Variants in BLVRB observed in about 807,000 individuals in gnomAD.
BLVRB encodes the protein biliverdin reductase B.
BLVRB carries 25 observed loss-of-function variants against 21.1 expected under a neutral mutation model. The observed-to-expected ratio is 1.19, with a 90% CI of 0.86 to 1.66. BLVRB has a LOEUF of 1.66. Among genes scored for constraint, BLVRB ranks in the 40% most tolerant of loss-of-function variants. The pLI, the probability that BLVRB is intolerant of heterozygous loss-of-function variation, is 0.00. For synonymous variants in BLVRB, 128 were observed against 122.2 expected, an observed-to-expected ratio of 1.05 and a Z score of -0.31; for missense variants, 274 against 282.7, an observed-to-expected ratio of 0.97 and a Z score of 0.22.
chr19:40,448,809 T>C (rs1415640797), intron 4 of BLVRB, among the ~76,000 whole-genome samples: 1 of 151,768 alleles, frequency 6.6e-6, no homozygotes, highest in African/African-American at 2.4e-5. Context: ...GCTCCTGCCC[T>C]GGCTGGGCAC....
At chr19:40,451,936 C>T (rs1156936417) in intron 3 of BLVRB, among the ~76,000 whole-genome samples, 1 of 152,178 alleles carries the variant, frequency 6.6e-6, no homozygotes, top group African/African-American at 2.4e-5. Flanking sequence ...CTTTCCCTCA[C>T]ACCCCAGGTA....
At chr19:40,450,224 A>AAG (rs2079733194) in intron 4 of BLVRB, 1 of 98,582 alleles carries the variant, frequency 1.0e-5, no homozygotes, top group African/African-American at 4.1e-5. Flanking sequence ...AAAAAAAAAA[A>AAG]GCCAGGCGCA....
intron 1 of BLVRB, among the ~76,000 whole-genome samples, chr19:40,459,603 C>T (rs373561378): frequency 5.9e-5 from 9 of 152,030 alleles, no homozygotes; most frequent in Admixed American, 3.3e-4. Context: ...TAGAGTCTCC[C>T]TCTGTTGCCC....
At chr19:40,455,043 T>G (rs1002807331) in intron 3 of BLVRB, among the ~76,000 whole-genome samples, 2 of 151,846 alleles carry the variant, frequency 1.3e-5, no homozygotes, top group Non-Finnish European at 2.9e-5. Flanking sequence ...GATGGAGTTT[T>G]GCTGTGTTGC....
In BLVRB at chr19:40,460,245, A is replaced by AATATATATAT. The variant is rs1223233988; in HGVS notation, c.80-1701_80-1700insATATATATAT. On this transcript the variant is annotated intron_variant, in intron 1 of 4. Coordinates refer to ENST00000263368, the MANE Select transcript of BLVRB (RefSeq NM_000713.3). ...TAACATTTGGGTATACTGTAATAGC[A>AATATATATAT]ACATATATATATATATATATATATA... 3.7e-3 allele frequency among the ~76,000 whole-genome samples: 200 copies of AATATATATAT among 53,538 alleles called. 10 individuals are homozygous for AATATATATAT. Among genetic ancestry groups the AATATATATAT allele is most frequent in the African/African-American group, 0.015 (156 of 10,430 alleles). The allele number at this position is 53,538 out of a possible 152,430, so 35.1% of individuals were successfully genotyped here.
intron 1 of BLVRB, among the ~76,000 whole-genome samples, chr19:40,459,323 A>G (rs2079776277): frequency 9.8e-6 from 1 of 101,546 alleles, no homozygotes; most frequent in Admixed American, 1.1e-4. Flanking sequence ...GCGAGACTCT[A>G]TCTCAAAAAA....
chr19:40,451,458 T>C lies in BLVRB; in HGVS notation c.369A>G (p.Pro123=). Reference sequence around the variant, plus strand: ...GGTCATCAGTCACAGCCTGCAGTCGTGGGGGCACCTTGGTAGGGTCCCAGA... The same window carrying C: ...GGTCATCAGTCACAGCCTGCAGTCGCGGGGGCACCTTGGTAGGGTCCCAGA... ...FLLWDPTKVP[P]RLQAVTDDHI... is the part of the protein sequence containing the mutation. Residue 123 remains proline (P), a synonymous_variant, in exon 4 of 5, where the codon CCA becomes CCG. Transcript: ENST00000263368. The C allele has an allele frequency of 6.2e-7, 1 of 1,612,598 alleles. No individual in the cohort carries two copies. Among genetic ancestry groups the C allele is most frequent in the South Asian group, 1.1e-5 (1 of 90,868 alleles).
intron 1 of BLVRB, among the ~76,000 whole-genome samples, chr19:40,462,400 T>C (rs1352598161): frequency 6.7e-6 from 1 of 150,204 alleles, no homozygotes; most frequent in Non-Finnish European, 1.5e-5. Flanking sequence ...CACCTCAGCC[T>C]CCAGAGTAGC....
At chr19:40,453,466 T>C (rs973604415) in intron 3 of BLVRB, among the ~76,000 whole-genome samples, 5 of 152,192 alleles carry the variant, frequency 3.3e-5, no homozygotes, top group Admixed American at 1.3e-4. Context: ...ATCTGGAACA[T>C]TGTAGGTACT....
At chr19:40,462,194 C>T (rs1457127638) in intron 1 of BLVRB, among the ~76,000 whole-genome samples, 1 of 152,166 alleles carries the variant, frequency 6.6e-6, no homozygotes, top group East Asian at 1.9e-4. Flanking sequence ...TATGTGACCA[C>T]CTTTCATAGG....
intron 1 of BLVRB, 39 bp from the exon 2 acceptor site, chr19:40,458,584 T>C: frequency 3.9e-6 from 6 of 1,535,358 alleles, no homozygotes; most frequent in Non-Finnish European, 5.3e-6. Flanking sequence ...GTCAGTGGGC[T>C]GGCACTCTTG....
chr19:40,465,510 C>T (rs775234771), intron 1 of BLVRB, 100 bp downstream of exon 1: 2 of 1,430,158 alleles, frequency 1.4e-6, no homozygotes, highest in Non-Finnish European at 1.9e-6. Context: ...CTGGCTGGGG[C>T]GCTCATGGCC....
chr19:40,448,081 A>G lies in BLVRB; in HGVS notation c.464-35T>C, dbSNP rs2079722165. On this transcript the variant is annotated intron_variant, in intron 4 of 4. Coordinates refer to ENST00000263368, the MANE Select transcript of BLVRB (RefSeq NM_000713.3). ...AAAGACAAGAGGGGCTGGATAAAGC[A>G]GACACCTTTCCCTTCCCCCAAAATT... The G allele has an allele frequency of 1.2e-5, 19 of 1,588,788 alleles. No individual in the cohort carries two copies. The South Asian group carries it at 2.0e-4, about 17-fold the overall frequency.
chr19:40,451,312 A>G, intron 4 of BLVRB, 52 bp downstream of exon 4: 1 of 1,572,976 alleles, frequency 6.4e-7, no homozygotes. Context: ...CCCAGAGGGC[A>G]GGAGGGAACA....
intron 1 of BLVRB, among the ~76,000 whole-genome samples, chr19:40,462,180 G>A (rs1172344898): frequency 6.6e-6 from 1 of 152,046 alleles, no homozygotes; most frequent in Non-Finnish European, 1.5e-5. Context: ...CAGCCTCCCC[G>A]TGCTATGTGA....
chr19:40,458,656 C>G, intron 1 of BLVRB, 111 bp from the exon 2 acceptor site: 1 of 1,325,934 alleles, frequency 7.5e-7, no homozygotes, highest in East Asian at 2.5e-5. Flanking sequence ...CTCCTCTGTT[C>G]TGGGGAAGTG....
chr19:40,458,222 C>G lies in BLVRB; in HGVS notation c.267G>C (p.Glu89Asp), dbSNP rs1286983548. 1 of 1,613,788 alleles carries G rather than the reference C, an allele frequency of 6.2e-7. No individual in the cohort carries two copies. Among genetic ancestry groups the G allele is most frequent in the Non-Finnish European group, 8.5e-7 (1 of 1,179,918 alleles). Reference sequence around the variant, plus strand: ...TGGCTGCCACAATGTTCCGGGCGCCCTCGGACATCACTGTCGTGGGACCTT... The same window carrying G: ...TGGCTGCCACAATGTTCCGGGCGCCGTCGGACATCACTGTCGTGGGACCTT... ...NDLSPTTVMS[E>D]GARNIVAAMK... The change falls in exon 3 of 5, where the codon GAG becomes GAC. Residue 89 changes from glutamate (E) to aspartate (D), a missense_variant. Glu to Asp is a conservative substitution (Grantham distance 45). Coordinates refer to ENST00000263368, the MANE Select transcript of BLVRB (RefSeq NM_000713.3).
intron 1 of BLVRB, among the ~76,000 whole-genome samples, chr19:40,460,738 C>G (rs908080835): frequency 3.3e-5 from 5 of 152,086 alleles, no homozygotes; most frequent in African/African-American, 1.2e-4. Context: ...TTTGGGAGGC[C>G]AAGGCAGGTG....
intron 1 of BLVRB, among the ~76,000 whole-genome samples, chr19:40,464,957 C>T (rs529076336): frequency 6.6e-6 from 1 of 152,234 alleles, no homozygotes; most frequent in African/African-American, 2.4e-5. Context: ...TCTCCTGGGG[C>T]AACTCCAAAT....
Sources: allele counts gnomAD v4.1 joint callset (sites outside exome capture counted in the v4.1 genomes callset), GRCh38; gene constraint gnomAD v4.1.1; transcripts MANE v1.5; gene names NCBI Gene and HGNC (gene_info 2026-07-23, HGNC 2026-07-21).